The following CEP104 variants were observed in gnomAD, a reference collection of about 807,000 sequenced individuals.
CEP104 encodes centrosomal protein 104.
Under a neutral mutation model 113.3 loss-of-function variants are expected in CEP104, and 84 were observed. The observed-to-expected ratio is 0.74, with a 90% CI of 0.62 to 0.89. The LOEUF is 0.89. Among genes scored for constraint, CEP104 ranks in the 40% least tolerant of loss-of-function variants. The pLI is 0.00. For synonymous variants in CEP104, 378 were observed against 421.7 expected (o/e 0.90, Z 1.27); for missense variants, 1,053 against 1,156.6 (o/e 0.91, Z 1.30).
At chr1:3,837,638 A>G in intron 8 of CEP104, 119 bp from the exon 9 acceptor site, 1 of 860,780 alleles carries the variant, frequency 1.2e-6, no homozygotes, top group Non-Finnish European at 1.8e-6. Flanking sequence ...TCCTTGGCAC[A>G]ATGAAAAATT....
intron 2 of CEP104, 84 bp from the exon 3 acceptor site, chr1:3,848,865 A>C: frequency 8.8e-7 from 1 of 1,134,898 alleles, no homozygotes; most frequent in Non-Finnish European, 1.3e-6. Context: ...TGCAGGTAAG[A>C]AGCATTAACC....
chr1:3,831,553 T>TC (rs1335440008), intron 12 of CEP104, among the ~76,000 whole-genome samples: 3 of 152,230 alleles, frequency 2.0e-5, no homozygotes, highest in Non-Finnish European at 4.4e-5. Context: ...TTTTCTCATT[T>TC]CTAAAATTCT....
intron 14 of CEP104, 26 bp downstream of exon 14, chr1:3,829,765 T>C: frequency 1.9e-6 from 3 of 1,602,854 alleles, no homozygotes; most frequent in Non-Finnish European, 2.6e-6. Context: ...CAGGATGACA[T>C]CACAACTTCA....
At chr1:3,854,870 A>T (rs1258664755) in intron 1 of CEP104, among the ~76,000 whole-genome samples, 7 of 122,972 alleles carry the variant, frequency 5.7e-5, no homozygotes, top group Admixed American at 8.8e-5. Context: ...CAGTCTCCAA[A>T]TTTTTTTTTT....
intron 12 of CEP104, among the ~76,000 whole-genome samples, chr1:3,832,923 T>C (rs1644243719): frequency 6.6e-6 from 1 of 152,172 alleles, no homozygotes; most frequent in African/African-American, 2.4e-5. Context: ...CCAAATGATC[T>C]GCCTGCCTTG....
intron 12 of CEP104, among the ~76,000 whole-genome samples, chr1:3,831,595 GTTATTTTAGTAT>G (rs755822411): frequency 6.6e-6 from 1 of 152,154 alleles, no homozygotes; most frequent in Non-Finnish European, 1.5e-5. Flanking sequence ...TAGAATCACC[GTTATTTTAGTAT>G]TTATTAAATG....
At position 3,834,928 on chromosome 1, in the gene CEP104, G is replaced by A; in HGVS notation, c.1482C>T (p.Thr494=). Residue 494 remains threonine, a synonymous_variant, in exon 11 of 22, where the codon ACC becomes ACT. Transcript: ENST00000378230. ...LVRRAIKDIV[T]SVFQASLKLL... ...AGCGCCAGCTGAGGGCACTCACGGA[G>A]GTCACAATGTCCTTTATGGCTCTTC... is the stretch of plus-strand genomic sequence containing the variant. 1 of 1,585,404 alleles carries A rather than the reference G, an allele frequency of 6.3e-7. No homozygotes were observed. Among genetic ancestry groups the A allele is most frequent in the Non-Finnish European group, 8.6e-7 (1 of 1,164,834 alleles).
chr1:3,845,474 ATGGCTCAC>A, intron 4 of CEP104, 123 bp from the exon 5 acceptor site: 1 of 718,156 alleles, frequency 1.4e-6, no homozygotes, highest in Non-Finnish European at 2.4e-6. Flanking sequence ...TGGTGTGATC[ATGGCTCAC>A]TGCAGCCTTG....
At position 3,815,553 on chromosome 1, in the gene CEP104, C is replaced by T. The variant is rs772191034; in HGVS notation, c.2663-36G>A. ...AGCACAGGACCTGCATTAGGAGGGG[C>T]ACTCCTACCCACGGACCAGGTGCAG... is the stretch of plus-strand genomic sequence containing the variant. On this transcript the variant is annotated intron_variant, in intron 21 of 21. Coordinates refer to ENST00000378230, the MANE Select transcript of CEP104 (RefSeq NM_014704.4). 3.5e-6 allele frequency: 5 copies of T among 1,428,444 alleles called. No individual in the cohort carries two copies. In the Admixed American group the frequency reaches 8.5e-5, roughly 24 times the overall value. 88.5% of individuals were successfully genotyped at this position (1,428,444 alleles called of 1,614,324 possible). A position where few individuals can be genotyped will look rare whatever the true frequency, so the allele number is the denominator to read the frequency against.
chr1:3,814,060 G>A lies in CEP104; in HGVS notation c.*1342C>T, dbSNP rs918338741. 2 of 152,146 alleles carry A rather than the reference G, an allele frequency of 1.3e-5. No individual in the cohort carries two copies. Among genetic ancestry groups the A allele is most frequent in the African/African-American group, 4.8e-5 (2 of 41,412 alleles). The allele number at this position is 152,146 out of a possible 1,614,324, so 9.4% of individuals were successfully genotyped here. A position where few individuals can be genotyped will look rare whatever the true frequency, so the allele number is the denominator to read the frequency against. ...TTTTAGATATTTTGTTGTTTCACAC[G>A]GTTGGCAATTAAAACATATTTATAC... On this transcript the variant is annotated 3_prime_UTR_variant, in exon 22 of 22. Transcript: ENST00000378230.
At chr1:3,854,372 G>C (rs376282086) in intron 1 of CEP104, among the ~76,000 whole-genome samples, 49 of 152,212 alleles carry the variant, frequency 3.2e-4, no homozygotes, top group Middle Eastern at 3.4e-3. Context: ...ACTCTCCCCT[G>C]ACCCTCACTT....
In CEP104 at chr1:3,848,764, T is replaced by G; in HGVS notation, c.131A>C (p.Gln44Pro). The change falls in exon 3 of 22, where the codon CAA becomes CCA. Residue 44 changes from glutamine (Q) to proline (P), a missense_variant. Physicochemically the swap from Gln to Pro is moderately conservative, Grantham distance 76. Transcript: ENST00000378230. ...CTCCACCATTTGAAGGACAATTTCT[T>G]GTGGAAACTGGCAAAATCTGAAAGC... is the stretch of plus-strand genomic sequence containing the variant. ...WRSPRFCQFP[Q>P]EIVLQMVERC... 1 of 1,608,114 alleles carries G rather than the reference T, an allele frequency of 6.2e-7. No homozygotes were observed. The highest frequency in any genetic ancestry group is 8.5e-7 in the Non-Finnish European group (1 of 1,178,426).
Position 3,829,806 on chromosome 1 carries a change from T to A in CEP104, c.2028A>T (p.Thr676=), listed in dbSNP as rs749870039. ...GTTAACTCACCCTCATCTCAGCATC[T>A]GTAGCTCTGCCATCTATTTTAGCAA... ...EGFAKIDGRA[T]DAEMRARRKA... is the part of the protein sequence containing the mutation. Residue 676 remains threonine (T), a synonymous_variant, in exon 14 of 22, where the codon ACA becomes ACT. Transcript: ENST00000378230. The A allele has an allele frequency of 6.2e-7, 1 of 1,614,088 alleles. No homozygotes were observed. Among genetic ancestry groups the A allele is most frequent in the African/African-American group, 1.3e-5 (1 of 74,948 alleles).
intron 8 of CEP104, among the ~76,000 whole-genome samples, chr1:3,837,823 T>A (rs1182665181): frequency 6.6e-6 from 1 of 152,260 alleles, no homozygotes; most frequent in African/African-American, 2.4e-5. Flanking sequence ...TCCACACATA[T>A]GTGCCCCTGC....
At chr1:3,853,405 G>GAA (rs35675178) in intron 1 of CEP104, among the ~76,000 whole-genome samples, 1 of 149,108 alleles carries the variant, frequency 6.7e-6, no homozygotes. Context: ...ATCATCGGGG[G>GAA]AAAAAAAAAA....
At chr1:3,822,560 G>T (rs1643998000) in intron 20 of CEP104, among the ~76,000 whole-genome samples, 1 of 152,180 alleles carries the variant, frequency 6.6e-6, no homozygotes, top group Admixed American at 6.5e-5. Context: ...CATAAAGAGG[G>T]CACCGCCAGC....
chr1:3,827,783 A>T (rs914276523), intron 15 of CEP104, among the ~76,000 whole-genome samples: 28 of 152,246 alleles, frequency 1.8e-4, no homozygotes, highest in African/African-American at 6.7e-4. Flanking sequence ...GGCCCCCACA[A>T]CCCATGGCCC....
In CEP104 at chr1:3,829,306, C is replaced by T. The variant is rs139181137; in HGVS notation, c.2111G>A (p.Gly704Glu). The T allele has an allele frequency of 4.8e-4, 762 of 1,598,706 alleles. 2 individuals are homozygous for T. The African/African-American group carries it at 9.3e-3, about 20-fold the overall frequency. ...QKKEEIKALQGQLAALKEIQA... is the reference protein window; with the variant it reads ...QKKEEIKALQEQLAALKEIQA... ...AATTTCTTTCAGTGCTGCCAGCTGC[C>T]CTTGTAAAGCTTTTATTTCTTCTTT... Residue 704 changes from glycine (G) to glutamate (E), a missense_variant, in exon 15 of 22, where the codon GGG becomes GAG. Gly to Glu is a moderately conservative substitution (Grantham distance 98). Transcript: ENST00000378230.
intron 1 of CEP104, among the ~76,000 whole-genome samples, chr1:3,854,999 G>C (rs1384957986): frequency 2.0e-5 from 3 of 150,318 alleles, no homozygotes; most frequent in Non-Finnish European, 4.4e-5. Flanking sequence ...AGCCTCCCAA[G>C]TAGCTAGTAT....
Sources: gnomAD v4.1 joint callset for allele counts (sites outside exome capture counted in the v4.1 genomes callset) on GRCh38, gnomAD v4.1.1 for gene constraint, MANE v1.5 for transcripts, NCBI Gene and HGNC (gene_info 2026-07-23, HGNC 2026-07-21) for gene names.